The following FCRL5 variants were observed in gnomAD, a reference collection of about 807,000 sequenced individuals.
FCRL5 encodes the protein Fc receptor-like protein 5.
In FCRL5, 79 loss-of-function variants were observed where a neutral mutation model predicts 92.1. The ratio of observed to expected loss-of-function variants is 0.86; its 90% CI spans 0.72 to 1.03. The LOEUF (loss-of-function observed/expected upper bound fraction) is 1.03, where lower values mean the gene tolerates loss of function less well. FCRL5 is among the 50% of genes least tolerant of loss of function. The pLI is 0.00. For missense variants in FCRL5, 1,160 were observed against 1,181.1 expected, an observed-to-expected ratio of 0.98 and a Z score of 0.26; for synonymous variants, 466 against 469.3, an observed-to-expected ratio of 0.99 and a Z score of 0.09.
chr1:157,521,767 A>G (rs1427432362), intron 10 of FCRL5: 1 of 153,994 alleles, frequency 6.5e-6, no homozygotes, highest in African/African-American at 2.4e-5. Context: ...GACCCAACAA[A>G]TCTGCTTCTA....
Position 157,518,440 on chromosome 1 carries a change from T to C in FCRL5, c.2801A>G (p.Lys934Arg). ...YSEVRIIQEK[K>R]KHAVASDPRH... The stretch of plus-strand genomic sequence containing the variant: ...TCCTTGGGTCTTACCTGCATGTTTC[T>C]TTTTCTCTTGGATGATCCGTACTTC... The change falls in exon 15 of 17, where the codon AAG becomes AGG. Residue 934 changes from lysine to arginine, a missense_variant. Coordinates refer to ENST00000361835, the MANE Select transcript of FCRL5 (RefSeq NM_031281.3). The C allele has an allele frequency of 6.2e-7, 1 of 1,613,808 alleles. No homozygotes were observed. Among genetic ancestry groups the C allele is most frequent in the Non-Finnish European group, 8.5e-7 (1 of 1,179,642 alleles).
chr1:157,545,760 C>A (rs1483253358), intron 3 of FCRL5, among the ~76,000 whole-genome samples: 1 of 152,070 alleles, frequency 6.6e-6, no homozygotes, highest in Non-Finnish European at 1.5e-5. Context: ...AATCTCCTGA[C>A]CTCGTGATCC....
rs189439150 is a variant in FCRL5, at chr1:157,515,066, A to C, written c.*609T>G. 6.6e-4 allele frequency: 105 copies of C among 158,920 alleles called. 1 individual carries two copies. Among genetic ancestry groups the C allele is most frequent in the Admixed American group, 5.7e-3 (98 of 17,128 alleles). The allele number at this position is 158,920 out of a possible 1,614,324, so 9.8% of individuals were successfully genotyped here. A position where few individuals can be genotyped will look rare whatever the true frequency, so the allele number is the denominator to read the frequency against. On this transcript the variant is annotated 3_prime_UTR_variant, in exon 17 of 17. Transcript: ENST00000361835. Reference sequence around the variant, plus strand: ...GGCAGGTAGACACTGACACATGAGCAGGAGAGAAGTTACCTTGGTGTCAAG... The same window carrying C: ...GGCAGGTAGACACTGACACATGAGCCGGAGAGAAGTTACCTTGGTGTCAAG...
chr1:157,516,130 G>C (rs913216207), intron 15 of FCRL5: 23 of 590,028 alleles, frequency 3.9e-5, no homozygotes, highest in Admixed American at 2.7e-4. Flanking sequence ...GCCCTCAAGA[G>C]AAAGTCATTT....
chr1:157,535,949 T>TTTTTTTTTTTTC lies in FCRL5; in HGVS notation c.1403-1058_1403-1057insGAAAAAAAAAAA, dbSNP rs1650950540. Reference sequence around the variant, plus strand: ...ATTCACTGGATGTGACTCAGTTTTTTTTTTTTTTTTGAGATGGAGTCTCAC... The same window carrying TTTTTTTTTTTTC: ...ATTCACTGGATGTGACTCAGTTTTTTTTTTTTTTTTTCTTTTTTTTTTGAGATGGAGTCTCAC... On this transcript the variant is annotated intron_variant, in intron 7 of 16. Transcript: ENST00000361835. 1.4e-5 allele frequency among the ~76,000 whole-genome samples: 2 copies of TTTTTTTTTTTTC among 138,096 alleles called. 1 individual carries two copies. The highest frequency in any genetic ancestry group is 3.2e-5 in the Non-Finnish European group (2 of 63,328). The allele number at this position is 138,096 out of a possible 152,430, so 90.6% of individuals were successfully genotyped here. A position where few individuals can be genotyped will look rare whatever the true frequency, so the allele number is the denominator to read the frequency against.
intron 15 of FCRL5, 127 bp from the exon 16 acceptor site, chr1:157,516,000 C>A: frequency 9.9e-7 from 1 of 1,011,548 alleles, no homozygotes; most frequent in South Asian, 1.4e-5. Flanking sequence ...AGTAGCCATT[C>A]CTCTTAGTTG....
intron 9 of FCRL5, among the ~76,000 whole-genome samples, chr1:157,526,578 T>C (rs967860229): frequency 6.6e-6 from 1 of 152,130 alleles, no homozygotes; most frequent in Non-Finnish European, 1.5e-5. Flanking sequence ...CTTCTGAGAA[T>C]GCACAAAATG....
intron 9 of FCRL5, 46 bp from the exon 10 acceptor site, chr1:157,524,603 T>C: frequency 1.3e-6 from 2 of 1,518,304 alleles, no homozygotes; most frequent in Non-Finnish European, 8.9e-7. Flanking sequence ...TGCTAAAATA[T>C]ATTCCTTCAT....
chr1:157,546,312 A>G (rs1389661159), intron 3 of FCRL5: 2 of 441,036 alleles, frequency 4.5e-6, no homozygotes, highest in Non-Finnish European at 9.0e-6. Context: ...GCCAGGTGTG[A>G]TGGCGGGCTC....
At chr1:157,517,302 C>G (rs1649973590) in intron 15 of FCRL5, among the ~76,000 whole-genome samples, 1 of 152,170 alleles carries the variant, frequency 6.6e-6, no homozygotes, top group Admixed American at 6.5e-5. Context: ...CCCACAGTTA[C>G]CCCATGAAAC....
intron 4 of FCRL5, 134 bp downstream of exon 4, chr1:157,544,695 CTT>C: frequency 7.0e-7 from 1 of 1,422,620 alleles, no homozygotes; most frequent in Non-Finnish European, 9.7e-7. Flanking sequence ...CACTACTATA[CTT>C]CCTCTGCTCC....
intron 3 of FCRL5, among the ~76,000 whole-genome samples, chr1:157,545,817 C>G (rs373406565): frequency 3.3e-5 from 5 of 152,126 alleles, no homozygotes; most frequent in African/African-American, 1.2e-4. Flanking sequence ...CGTAAGCCAC[C>G]GCGCCTGGCC....
chr1:157,544,520 C>T lies in FCRL5; in HGVS notation c.586G>A (p.Ala196Thr). Residue 196 changes from alanine to threonine, a missense_variant, in exon 5 of 17, where the codon GCC becomes ACC. Coordinates refer to ENST00000361835, the MANE Select transcript of FCRL5 (RefSeq NM_031281.3). ...CCGCTGATGGGCTGGAAGGAGCTGG[C>T]TCTCAGCACTGGACGTGTAAATGGC... ...QEPFTRPVLR[A>T]SSFQPISGNP... 1.2e-6 allele frequency: 2 copies of T among 1,614,144 alleles called. No homozygotes were observed. Among genetic ancestry groups the T allele is most frequent in the African/African-American group, 2.7e-5 (2 of 75,064 alleles).
intron 8 of FCRL5, among the ~76,000 whole-genome samples, chr1:157,531,577 C>T (rs1345572064): frequency 1.3e-5 from 2 of 152,050 alleles, no homozygotes; most frequent in African/African-American, 4.8e-5. Context: ...CTAAGTGTCC[C>T]CCAGCAGATG....
At chr1:157,542,776 A>C in intron 6 of FCRL5, 83 bp downstream of exon 6, 2 of 1,454,996 alleles carry the variant, frequency 1.4e-6, no homozygotes, top group Non-Finnish European at 1.9e-6. Flanking sequence ...AGGATACTGG[A>C]AGGTATATGC....
intron 2 of FCRL5, among the ~76,000 whole-genome samples, chr1:157,547,865 A>G (rs1184135326): frequency 6.6e-6 from 1 of 152,212 alleles, no homozygotes; most frequent in African/African-American, 2.4e-5. Context: ...TGGCAGTAAG[A>G]GCCAGAACTA....
chr1:157,550,408 A>G (rs1651761343), intron 1 of FCRL5, among the ~76,000 whole-genome samples: 1 of 151,962 alleles, frequency 6.6e-6, no homozygotes, highest in Admixed American at 6.6e-5. Context: ...TGGGCACCAG[A>G]CTCCAGGCTA....
At chr1:157,549,490 T>A in intron 2 of FCRL5, 70 bp downstream of exon 2, 1 of 1,397,232 alleles carries the variant, frequency 7.2e-7, no homozygotes. Flanking sequence ...CCATCACAAA[T>A]GTTTTCTATT....
At chr1:157,524,080 C>A in intron 10 of FCRL5, 199 bp downstream of exon 10, 1 of 563,728 alleles carries the variant, frequency 1.8e-6, no homozygotes, top group Non-Finnish European at 3.2e-6. Flanking sequence ...TTCAAGAAGA[C>A]TGCTGGGAAA....
Sources: gnomAD v4.1 joint callset for allele counts (sites outside exome capture counted in the v4.1 genomes callset) on GRCh38, gnomAD v4.1.1 for gene constraint, MANE v1.5 for transcripts, NCBI Gene and HGNC (gene_info 2026-07-23, HGNC 2026-07-21) for gene names.